The following ODAD2 variants were observed in gnomAD, a reference collection of about 807,000 sequenced individuals.
The protein encoded by ODAD2 is outer dynein arm docking complex subunit 2.
In ODAD2, 89 loss-of-function variants were observed where a neutral mutation model predicts 106.8. The ratio of observed to expected loss-of-function variants is 0.83; its 90% CI spans 0.70 to 0.99. The LOEUF (loss-of-function observed/expected upper bound fraction) is 0.99. ODAD2 is among the 50% of genes least tolerant of loss of function. The probability of loss-of-function intolerance (pLI) is 0.00; values close to 1 mark genes in which losing one functional copy is unlikely to be tolerated. For synonymous variants in ODAD2, 404 were observed against 436.2 expected (o/e 0.93, Z 0.92); for missense variants, 1,168 against 1,238.5 (o/e 0.94, Z 0.85).
At chr10:27,864,598 G>A (rs1170696296) in intron 17 of ODAD2, among the ~76,000 whole-genome samples, 2 of 150,906 alleles carry the variant, frequency 1.3e-5, no homozygotes, top group African/African-American at 4.9e-5. Context: ...AGGTGAGAGT[G>A]GGGAGTGAGG....
chr10:27,926,479 C>G (rs1412189596), intron 16 of ODAD2, among the ~76,000 whole-genome samples: 1 of 151,540 alleles, frequency 6.6e-6, no homozygotes, highest in Non-Finnish European at 1.5e-5. Context: ...AAACAAAATT[C>G]ATATGAAGAA....
intron 19 of ODAD2, among the ~76,000 whole-genome samples, chr10:27,847,894 A>G (rs1796915496): frequency 6.6e-6 from 1 of 152,168 alleles, no homozygotes; most frequent in Non-Finnish European, 1.5e-5. Flanking sequence ...AAGGAGAACT[A>G]CAAACCACTG....
At chr10:27,951,335 T>C (rs1019421025) in intron 10 of ODAD2, among the ~76,000 whole-genome samples, 2 of 152,208 alleles carry the variant, frequency 1.3e-5, no homozygotes, top group African/African-American at 2.4e-5. Context: ...GGTACCTATC[T>C]GGTCTACCAA....
intron 1 of ODAD2, 112 bp downstream of exon 1, chr10:27,998,882 A>C (rs1372309829): frequency 1.3e-5 from 2 of 152,572 alleles, no homozygotes; most frequent in African/African-American, 4.8e-5. Context: ...GCGGCCGCGC[A>C]CGCCGGCGCC....
At chr10:27,901,807 TAAAAC>T (rs1236671636) in intron 17 of ODAD2, among the ~76,000 whole-genome samples, 13 of 152,236 alleles carry the variant, frequency 8.5e-5, no homozygotes, top group African/African-American at 3.1e-4. Flanking sequence ...CCCAGATTCA[TAAAAC>T]AATTCTTGGA....
chr10:27,917,639 T>C (rs1246797734), intron 16 of ODAD2, among the ~76,000 whole-genome samples: 3 of 152,060 alleles, frequency 2.0e-5, no homozygotes, highest in African/African-American at 7.2e-5. Context: ...TGACAAACTT[T>C]TTCAGTAAAG....
intron 17 of ODAD2, among the ~76,000 whole-genome samples, chr10:27,903,308 T>G (rs892756284): frequency 6.6e-6 from 1 of 152,128 alleles, no homozygotes; most frequent in African/African-American, 2.4e-5. Context: ...CTCAAAATAA[T>G]AAGAACTGTT....
Position 27,904,554 on chromosome 10 carries a change from T to C in ODAD2, c.2610+3109A>G, listed in dbSNP as rs555415070. Among the ~76,000 whole-genome samples the C allele has an allele frequency of 3.3e-5, 5 of 152,348 alleles. No individual in the cohort carries two copies. In the East Asian group the frequency reaches 7.7e-4, roughly 24 times the overall value. The stretch of plus-strand genomic sequence containing the variant: ...GATTTGACTTGCCACTTTTATCATA[T>C]ACTAAATTCCCATTTGTACTTAGGT... On this transcript the variant is annotated intron_variant, in intron 17 of 19. Transcript: ENST00000305242.
intron 16 of ODAD2, among the ~76,000 whole-genome samples, chr10:27,912,771 G>A (rs976524516): frequency 3.8e-4 from 58 of 152,152 alleles, no homozygotes; most frequent in African/African-American, 1.2e-3. Flanking sequence ...GGATGCGACT[G>A]TCATCTACAA....
chr10:27,827,798 T>C (rs1488267245), intron 19 of ODAD2, among the ~76,000 whole-genome samples: 1 of 152,202 alleles, frequency 6.6e-6, no homozygotes, highest in Non-Finnish European at 1.5e-5. Context: ...AATATTTTAA[T>C]GGCTCCCCAA....
At chr10:27,898,733 T>G (rs1177533966) in intron 17 of ODAD2, among the ~76,000 whole-genome samples, 1 of 152,226 alleles carries the variant, frequency 6.6e-6, no homozygotes, top group African/African-American at 2.4e-5. Flanking sequence ...GTTCAACATA[T>G]TTGTGATATG....
At chr10:27,932,485 G>C (rs1845682643) in intron 16 of ODAD2, among the ~76,000 whole-genome samples, 1 of 152,168 alleles carries the variant, frequency 6.6e-6, no homozygotes, top group Non-Finnish European at 1.5e-5. Context: ...ATTAAAAGAT[G>C]ATTTGTGATA....
intron 16 of ODAD2, among the ~76,000 whole-genome samples, chr10:27,927,138 C>A (rs1375192139): frequency 6.6e-6 from 1 of 152,090 alleles, no homozygotes; most frequent in Non-Finnish European, 1.5e-5. Context: ...TCACAAAAAT[C>A]ACTTTTACTT....
At chr10:27,915,484 C>T (rs1844295881) in intron 16 of ODAD2, among the ~76,000 whole-genome samples, 1 of 152,140 alleles carries the variant, frequency 6.6e-6, no homozygotes, top group South Asian at 2.1e-4. Context: ...GGCCTCTACC[C>T]TCACGTCCTA....
At chr10:27,876,035 C>A (rs1841316448) in intron 17 of ODAD2, among the ~76,000 whole-genome samples, 1 of 152,180 alleles carries the variant, frequency 6.6e-6, no homozygotes, top group African/African-American at 2.4e-5. Flanking sequence ...AGTAGGTAAA[C>A]AAAGAGGCCA....
chr10:27,996,873 C>T (rs762489572), intron 1 of ODAD2, among the ~76,000 whole-genome samples: 1 of 152,176 alleles, frequency 6.6e-6, no homozygotes, highest in Admixed American at 6.5e-5. Context: ...CTGACTACTT[C>T]CCTATATATT....
intron 17 of ODAD2, among the ~76,000 whole-genome samples, chr10:27,898,920 C>T (rs1391223037): frequency 3.3e-5 from 5 of 151,972 alleles, no homozygotes; most frequent in Admixed American, 6.6e-5. Flanking sequence ...CATTACAATT[C>T]GCTTTTTAAA....
chr10:27,984,128 C>A (rs1849728769), intron 5 of ODAD2, 56 bp downstream of exon 5: 7 of 1,507,150 alleles, frequency 4.6e-6, no homozygotes, highest in Non-Finnish European at 6.4e-6. Flanking sequence ...AAGCATTTTG[C>A]AAATGTAATT....
chr10:27,824,962 C>T (rs910563692), intron 19 of ODAD2, among the ~76,000 whole-genome samples: 3 of 152,196 alleles, frequency 2.0e-5, no homozygotes, highest in African/African-American at 7.2e-5. Context: ...CAGCTTCCTA[C>T]TTGACATCTC....
Sources: gnomAD v4.1 joint callset for allele counts (sites outside exome capture counted in the v4.1 genomes callset) on GRCh38, gnomAD v4.1.1 for gene constraint, MANE v1.5 for transcripts, NCBI Gene and HGNC (gene_info 2026-07-23, HGNC 2026-07-21) for gene names.